ABCE1: variants seen among roughly 807,000 people sequenced by gnomAD.
ABCE1 encodes ATP binding cassette subfamily E member 1, also known as ATP-binding cassette sub-family E member 1.
ABCE1 carries 22 observed loss-of-function variants against 83.4 expected under a neutral mutation model. The observed-to-expected ratio is 0.26, with a 90% CI of 0.19 to 0.38. The LOEUF (loss-of-function observed/expected upper bound fraction) is 0.38. Among genes scored for constraint, ABCE1 ranks in the 10% least tolerant of loss-of-function variants. ABCE1 has a pLI of 1.00. For synonymous variants in ABCE1, 204 were observed against 233.7 expected, an observed-to-expected ratio of 0.87 and a Z score of 1.16; for missense variants, 330 against 721.9, an observed-to-expected ratio of 0.46 and a Z score of 6.22.
At chr4:145,123,164 T>C in intron 14 of ABCE1, 33 bp downstream of exon 14, 1 of 1,583,302 alleles carries the variant, frequency 6.3e-7, no homozygotes, top group Non-Finnish European at 8.5e-7. Context: ...ATTTTTTTAT[T>C]ATTTTGAATT....
At chr4:145,125,162 C>A in intron 17 of ABCE1, 61 bp downstream of exon 17, 2 of 1,252,820 alleles carry the variant, frequency 1.6e-6, no homozygotes, top group Non-Finnish European at 2.3e-6. Flanking sequence ...ACTTGAAAGG[C>A]TATTTAAAAA....
At chr4:145,126,355 C>T (rs1200445064) in intron 17 of ABCE1, among the ~76,000 whole-genome samples, 3 of 152,000 alleles carry the variant, frequency 2.0e-5, no homozygotes, top group African/African-American at 7.3e-5. Flanking sequence ...AGTGCAGTGG[C>T]GTGATCTCGG....
rs1267150661 is a variant in ABCE1 at position 145,108,993 on chromosome 4, G to C, written c.288-139G>C. ...TTGGCTGTTTTTTTCCTAATAGCCA[G>C]TAATATCTGGCATATGTTTCTTAGC... On this transcript the variant is annotated intron_variant, in intron 4 of 17. Transcript: ENST00000296577. 8.2e-6 allele frequency: 5 copies of C among 606,214 alleles called. No homozygotes were observed. The Admixed American group carries it at 1.5e-4, about 18-fold the overall frequency. 37.6% of individuals were successfully genotyped at this position (606,214 alleles called of 1,614,324 possible).
intron 16 of ABCE1, among the ~76,000 whole-genome samples, chr4:145,124,478 G>GT (rs1330724657): frequency 6.6e-6 from 1 of 151,512 alleles, no homozygotes; most frequent in Non-Finnish European, 1.5e-5. Context: ...ATTTTAAAAT[G>GT]TTTCACATGT....
chr4:145,114,040 GATT>G (rs1280880451), intron 9 of ABCE1, among the ~76,000 whole-genome samples: 2 of 152,132 alleles, frequency 1.3e-5, no homozygotes, highest in Non-Finnish European at 1.5e-5. Context: ...CAGCTCCTTA[GATT>G]CAAGGAGCAC....
At chr4:145,110,495 GA>G (rs771901893) in intron 7 of ABCE1, 51 bp downstream of exon 7, 1 of 1,567,258 alleles carries the variant, frequency 6.4e-7, no homozygotes, top group Non-Finnish European at 8.8e-7. Flanking sequence ...TATTTTTTGA[GA>G]CGGAGTTTCG....
chr4:145,117,775 T>A (rs1402034399), intron 10 of ABCE1, among the ~76,000 whole-genome samples: 4 of 151,866 alleles, frequency 2.6e-5, no homozygotes, highest in South Asian at 4.1e-4. Flanking sequence ...TTAAAATGCT[T>A]TCAGTGTTCA....
intron 5 of ABCE1, 54 bp downstream of exon 5, chr4:145,109,303 T>C (rs1749396777): frequency 2.0e-6 from 2 of 1,011,588 alleles, no homozygotes; most frequent in East Asian, 2.6e-5. Context: ...TTATGAGATT[T>C]TGGGGGGATG....
At position 145,110,452 on chromosome 4, in the gene ABCE1, T is replaced by G; in HGVS notation, c.613+8T>G. 6.2e-7 allele frequency: 1 copy of G among 1,610,694 alleles called. No homozygotes were observed. Among genetic ancestry groups the G allele is most frequent in the Non-Finnish European group, 8.5e-7 (1 of 1,179,098 alleles). On this transcript the variant is annotated splice_region_variant and intron_variant, in intron 7 of 17. Transcript: ENST00000296577. ...TTGTATGTCAGCAGCTTGGTAAGTGTTTATTTTTTGTTTGTGTGAATATAT... is the reference window on the plus strand; with the variant it reads ...TTGTATGTCAGCAGCTTGGTAAGTGGTTATTTTTTGTTTGTGTGAATATAT...
Position 145,127,724 on chromosome 4 carries a change from T to A in ABCE1, c.*151T>A. On this transcript the variant is annotated 3_prime_UTR_variant, in exon 18 of 18. Transcript: ENST00000296577. ...AATATAACATAAAAAGCCAGTTGGGTTCTAAATTGTAGTTGAAACACAGAA... is the reference window on the plus strand; with the variant it reads ...AATATAACATAAAAAGCCAGTTGGGATCTAAATTGTAGTTGAAACACAGAA... The A allele has an allele frequency of 1.9e-6, 1 of 513,420 alleles. No homozygotes were observed. Among genetic ancestry groups the A allele is most frequent in the Non-Finnish European group, 3.2e-6 (1 of 311,280 alleles). The allele number at this position is 513,420 out of a possible 1,614,324, so 31.8% of individuals were successfully genotyped here.
intron 1 of ABCE1, among the ~76,000 whole-genome samples, chr4:145,099,337 G>A (rs1354056453): frequency 1.3e-5 from 2 of 152,108 alleles, no homozygotes; most frequent in Non-Finnish European, 2.9e-5. Context: ...TTCCCAACAG[G>A]ACTGCTAACT....
At chr4:145,123,440 A>G in intron 15 of ABCE1, 38 bp from the exon 16 acceptor site, 2 of 1,590,774 alleles carry the variant, frequency 1.3e-6, no homozygotes, top group Non-Finnish European at 1.7e-6. Flanking sequence ...ATGTTTTATG[A>G]TAGAAAGCTA....
intron 1 of ABCE1, among the ~76,000 whole-genome samples, chr4:145,100,333 G>A (rs1478045985): frequency 6.6e-6 from 1 of 152,174 alleles, no homozygotes; most frequent in Non-Finnish European, 1.5e-5. Context: ...GGACACCATA[G>A]CAAGATCCCT....
At chr4:145,111,429 T>C (rs1302474518) in intron 8 of ABCE1, among the ~76,000 whole-genome samples, 1 of 152,190 alleles carries the variant, frequency 6.6e-6, no homozygotes, top group Non-Finnish European at 1.5e-5. Context: ...GTTCACGCCA[T>C]TCTCCTGCCT....
chr4:145,115,195 A>G (rs1445758407), intron 9 of ABCE1, among the ~76,000 whole-genome samples: 2 of 151,904 alleles, frequency 1.3e-5, no homozygotes, highest in African/African-American at 2.4e-5. Context: ...AATCATGTTT[A>G]TATTTTGGAC....
At chr4:145,100,915 G>A (rs1407746303) in intron 1 of ABCE1, among the ~76,000 whole-genome samples, 1 of 152,084 alleles carries the variant, frequency 6.6e-6, no homozygotes, top group Admixed American at 6.6e-5. Context: ...GCTAGGCACA[G>A]GTTCAGCCAC....
intron 8 of ABCE1, among the ~76,000 whole-genome samples, chr4:145,111,363 G>A (rs1024879113): frequency 2.0e-5 from 3 of 152,112 alleles, no homozygotes; most frequent in African/African-American, 7.2e-5. Context: ...TCGCTGTGTT[G>A]CCCAGGCTGG....
intron 9 of ABCE1, among the ~76,000 whole-genome samples, chr4:145,114,037 T>C (rs547976938): frequency 6.6e-6 from 1 of 152,280 alleles, no homozygotes; most frequent in East Asian, 1.9e-4. Context: ...ATTCAGCTCC[T>C]TAGATTCAAG....
At position 145,127,677 on chromosome 4, in the gene ABCE1, G is replaced by A. The variant is rs1331422746; in HGVS notation, c.*104G>A. The A allele has an allele frequency of 2.4e-6, 2 of 834,078 alleles. No individual in the cohort carries two copies. The highest frequency in any genetic ancestry group is 3.6e-6 in the Non-Finnish European group (2 of 555,226). The allele number at this position is 834,078 out of a possible 1,614,324, so 51.7% of individuals were successfully genotyped here. A position where few individuals can be genotyped will look rare whatever the true frequency, so the allele number is the denominator to read the frequency against. Reference sequence around the variant, plus strand: ...AGGATTTTATGCCCCACATACTCTGGAACTTGAAGTATAATATACTTAATA... The same window carrying A: ...AGGATTTTATGCCCCACATACTCTGAAACTTGAAGTATAATATACTTAATA... On this transcript the variant is annotated 3_prime_UTR_variant, in exon 18 of 18. Coordinates refer to ENST00000296577, the MANE Select transcript of ABCE1 (RefSeq NM_002940.3).
Sources: gnomAD v4.1 joint callset for allele counts (sites outside exome capture counted in the v4.1 genomes callset) on GRCh38, gnomAD v4.1.1 for gene constraint, MANE v1.5 for transcripts, NCBI Gene and HGNC (gene_info 2026-07-23, HGNC 2026-07-21) for gene names.